KDM7A: variants seen among roughly 807,000 people sequenced by gnomAD.
The protein encoded by KDM7A is lysine-specific demethylase 7A.
A neutral mutation model predicts 114.8 loss-of-function variants in KDM7A; 28 were observed. That is an observed-to-expected ratio of 0.24 (90% confidence interval 0.18 to 0.33). KDM7A has a LOEUF of 0.33. KDM7A is among the 10% of genes least tolerant of loss of function. The probability of loss-of-function intolerance (pLI) is 1.00; values close to 1 mark genes in which losing one functional copy is unlikely to be tolerated. For missense variants in KDM7A, 942 were observed against 1,142.5 expected (o/e 0.82, Z 2.53); for synonymous variants, 423 against 397.8 (o/e 1.06, Z -0.75).
intron 5 of KDM7A, 141 bp downstream of exon 5, chr7:140,127,301 T>C (rs2116803209): frequency 1.4e-6 from 1 of 712,472 alleles, no homozygotes; most frequent in South Asian, 1.9e-5. Flanking sequence ...TCTCTGAGTG[T>C]CCCAATGCAA....
At chr7:140,115,013 G>A (rs1306160905) in intron 9 of KDM7A, among the ~76,000 whole-genome samples, 8 of 151,044 alleles carry the variant, frequency 5.3e-5, no homozygotes, top group South Asian at 2.1e-4. Flanking sequence ...GTCTCTGCCC[G>A]GCAGCCGCCC....
intron 6 of KDM7A, among the ~76,000 whole-genome samples, chr7:140,125,111 C>T (rs1173330866): frequency 6.6e-6 from 1 of 152,124 alleles, no homozygotes; most frequent in East Asian, 1.9e-4. Flanking sequence ...GTTGACAGGC[C>T]CACAGTCATC....
At chr7:140,121,756 T>C (rs1326320566) in intron 7 of KDM7A, among the ~76,000 whole-genome samples, 2 of 152,192 alleles carry the variant, frequency 1.3e-5, no homozygotes, top group African/African-American at 4.8e-5. Context: ...AAGCCTGTCC[T>C]ATTAACTATC....
In KDM7A at chr7:140,096,890, C is replaced by G; in HGVS notation, c.2165+9G>C. ...ATATAATAAGACTTACTACTATCAG[C>G]AAGCCTACCTTTTAATTGGAATTTC... is the stretch of plus-strand genomic sequence containing the variant. On this transcript the variant is annotated intron_variant, in intron 16 of 19. Transcript: ENST00000397560. The G allele has an allele frequency of 6.2e-7, 1 of 1,612,778 alleles. No homozygotes were observed. Among genetic ancestry groups the G allele is most frequent in the Non-Finnish European group, 8.5e-7 (1 of 1,179,100 alleles).
At position 140,162,386 on chromosome 7, in the gene KDM7A, T is replaced by C. The variant is rs560405837; in HGVS notation, c.194+14358A>G. ...CTGATAAACAGGAGTCCATATTAGA[T>C]GTTTGAAATTCCTATGTTTTGTGCT... On this transcript the variant is annotated intron_variant, in intron 1 of 19. Transcript: ENST00000397560. Among the ~76,000 whole-genome samples, 12 of 151,888 alleles carry C rather than the reference T, an allele frequency of 7.9e-5. 1 individual carries two copies. The South Asian group carries it at 1.2e-3, about 16-fold the overall frequency.
At chr7:140,157,963 C>T (rs549295338) in intron 1 of KDM7A, among the ~76,000 whole-genome samples, 8 of 140,450 alleles carry the variant, frequency 5.7e-5, no homozygotes, top group African/African-American at 2.1e-4. Context: ...AGCAAGACTC[C>T]GTCTCAAAAA....
intron 7 of KDM7A, among the ~76,000 whole-genome samples, chr7:140,122,639 C>A (rs1313502783): frequency 6.6e-6 from 1 of 152,238 alleles, no homozygotes. Flanking sequence ...AACCAGCACA[C>A]AGTTCTCGAA....
At chr7:140,138,216 G>C (rs966724280) in intron 2 of KDM7A, among the ~76,000 whole-genome samples, 4 of 151,958 alleles carry the variant, frequency 2.6e-5, no homozygotes, top group African/African-American at 9.7e-5. Flanking sequence ...GTTGAGGCAG[G>C]AGGATCACTT....
At chr7:140,112,507 A>G (rs931806230) in intron 10 of KDM7A, among the ~76,000 whole-genome samples, 1 of 152,112 alleles carries the variant, frequency 6.6e-6, no homozygotes, top group African/African-American at 2.4e-5. Flanking sequence ...ACTACTCGGG[A>G]GGCTGAGGCA....
chr7:140,166,335 CTTTT>C (rs746518929), intron 1 of KDM7A, among the ~76,000 whole-genome samples: 18 of 128,660 alleles, frequency 1.4e-4, no homozygotes, highest in African/African-American at 1.7e-4. Flanking sequence ...CTTTTTTTTC[CTTTT>C]TTTTTTTTTT....
intron 3 of KDM7A, among the ~76,000 whole-genome samples, chr7:140,130,672 G>C (rs75369989): frequency 0.059 from 8,887 of 151,888 alleles, 332 homozygotes; most frequent in East Asian, 0.13. Context: ...GATTTTATCT[G>C]ACTATAAAAT....
chr7:140,166,108 G>A (rs888869061), intron 1 of KDM7A, among the ~76,000 whole-genome samples: 2 of 152,066 alleles, frequency 1.3e-5, no homozygotes, highest in African/African-American at 4.8e-5. Context: ...CAAAAACATG[G>A]TATACTCAGA....
At chr7:140,130,985 C>G (rs1220898731) in intron 3 of KDM7A, among the ~76,000 whole-genome samples, 2 of 151,274 alleles carry the variant, frequency 1.3e-5, no homozygotes, top group African/African-American at 4.9e-5. Flanking sequence ...TCCCAAGTAG[C>G]TGGGACTACA....
intron 1 of KDM7A, among the ~76,000 whole-genome samples, chr7:140,155,701 A>C (rs983503598): frequency 6.6e-6 from 1 of 152,208 alleles, no homozygotes; most frequent in African/African-American, 2.4e-5. Flanking sequence ...CACCATCGAT[A>C]AATGGCCACT....
At chr7:140,154,939 T>C (rs1365625951) in intron 1 of KDM7A, among the ~76,000 whole-genome samples, 2 of 152,170 alleles carry the variant, frequency 1.3e-5, no homozygotes, top group African/African-American at 4.8e-5. Flanking sequence ...AATTTTACAA[T>C]TGGTACAAAG....
At chr7:140,126,275 G>A (rs915752993) in intron 6 of KDM7A, among the ~76,000 whole-genome samples, 2 of 152,064 alleles carry the variant, frequency 1.3e-5, no homozygotes, top group African/African-American at 4.8e-5. Flanking sequence ...CAACATTAAG[G>A]CCAGAAGCAA....
intron 1 of KDM7A, among the ~76,000 whole-genome samples, chr7:140,172,064 C>T (rs1326709681): frequency 6.6e-6 from 1 of 151,930 alleles, no homozygotes; most frequent in African/African-American, 2.4e-5. Context: ...TTAATAATAC[C>T]TTAGATTGGG....
chr7:140,105,849 G>C (rs1416415670), intron 11 of KDM7A, among the ~76,000 whole-genome samples: 1 of 152,222 alleles, frequency 6.6e-6, no homozygotes. Flanking sequence ...GATTGGAATA[G>C]TTTCAAAAGG....
At chr7:140,097,142 CAG>C in intron 15 of KDM7A, 95 bp from the exon 16 acceptor site, 2 of 858,978 alleles carry the variant, frequency 2.3e-6, no homozygotes, top group Non-Finnish European at 1.8e-6. Context: ...TAGAGAAAGT[CAG>C]AATCTTAATT....
Sources: allele counts gnomAD v4.1 joint callset (sites outside exome capture counted in the v4.1 genomes callset), GRCh38; gene constraint gnomAD v4.1.1; transcripts MANE v1.5; gene names NCBI Gene and HGNC (gene_info 2026-07-23, HGNC 2026-07-21).